The following PLB1 variants were observed in gnomAD, a reference collection of about 807,000 sequenced individuals.
PLB1 encodes the protein phospholipase B1.
Under a neutral mutation model 227.4 loss-of-function variants are expected in PLB1, and 242 were observed. That is an observed-to-expected ratio of 1.06 (90% CI 0.96 to 1.18). PLB1 has a LOEUF of 1.18. Ranked by LOEUF, PLB1 falls within the 50% of genes most tolerant of loss-of-function variation. The pLI is 0.00. For synonymous variants in PLB1, 757 were observed against 682.2 expected, an observed-to-expected ratio of 1.11 and a Z score of -1.71; for missense variants, 1,858 against 1,816.3, an observed-to-expected ratio of 1.02 and a Z score of -0.42.
At chr2:28,617,673 T>A in intron 44 of PLB1, 54 bp from the exon 45 acceptor site, 4 of 1,562,804 alleles carry the variant, frequency 2.6e-6, no homozygotes, top group Non-Finnish European at 3.5e-6. Context: ...GGCTGAAGCT[T>A]ATCTCCCTGC....
intron 39 of PLB1, among the ~76,000 whole-genome samples, chr2:28,603,222 A>G (rs950791310): frequency 1.3e-5 from 2 of 152,238 alleles, no homozygotes; most frequent in African/African-American, 2.4e-5. Flanking sequence ...GAACATGGGC[A>G]GTGGTTAGGG....
At chr2:28,580,697 A>C (rs1248610176) in intron 23 of PLB1, among the ~76,000 whole-genome samples, 1 of 148,850 alleles carries the variant, frequency 6.7e-6, no homozygotes, top group Non-Finnish European at 1.5e-5. Flanking sequence ...CTGGGTGACA[A>C]AGCGAGACTC....
chr2:28,632,512 G>A (rs530165349), intron 55 of PLB1, among the ~76,000 whole-genome samples: 3 of 152,258 alleles, frequency 2.0e-5, no homozygotes, highest in South Asian at 2.1e-4. Flanking sequence ...AATTCCGGCC[G>A]GGTGCAGTGG....
chr2:28,509,519 C>CTGA (rs1667988816), intron 1 of PLB1, among the ~76,000 whole-genome samples: 1 of 152,310 alleles, frequency 6.6e-6, no homozygotes, highest in Non-Finnish European at 1.5e-5. Context: ...TTGTCAAAGC[C>CTGA]TGATGTCTCC....
chr2:28,629,492 A>C (rs557670369), intron 53 of PLB1, among the ~76,000 whole-genome samples: 2 of 152,270 alleles, frequency 1.3e-5, no homozygotes, highest in Admixed American at 1.3e-4. Context: ...CCCTGTTGAG[A>C]AGCAGCATGG....
chr2:28,610,038 A>G (rs995524017), intron 43 of PLB1, among the ~76,000 whole-genome samples: 1 of 152,192 alleles, frequency 6.6e-6, no homozygotes, highest in Non-Finnish European at 1.5e-5. Context: ...GAATTCTTCT[A>G]CCACATCCCT....
intron 16 of PLB1, 82 bp downstream of exon 16, chr2:28,550,166 C>A (rs1673994094): frequency 1.9e-6 from 2 of 1,062,924 alleles, no homozygotes; most frequent in Non-Finnish European, 2.7e-6. Context: ...GAACCTTCCA[C>A]GTGGTTTTTT....
chr2:28,591,799 C>T, intron 31 of PLB1, 39 bp downstream of exon 31: 1 of 1,590,200 alleles, frequency 6.3e-7, no homozygotes, highest in Non-Finnish European at 8.6e-7. Flanking sequence ...AGGGCCCCTC[C>T]ACAGGGGCTG....
At chr2:28,519,579 A>G (rs1294572634) in intron 3 of PLB1, 126 bp from the exon 4 acceptor site, 2 of 690,782 alleles carry the variant, frequency 2.9e-6, no homozygotes, top group Admixed American at 2.4e-5. Flanking sequence ...TCCATGGCCA[A>G]CAGACTGGAC....
At chr2:28,541,002 C>G (rs1046691550) in intron 12 of PLB1, among the ~76,000 whole-genome samples, 1 of 152,064 alleles carries the variant, frequency 6.6e-6, no homozygotes, top group African/African-American at 2.4e-5. Context: ...GAAACCTCAT[C>G]TCTACTAAAA....
chr2:28,632,199 T>C, intron 55 of PLB1, 59 bp downstream of exon 55: 1 of 1,382,050 alleles, frequency 7.2e-7, no homozygotes, highest in Non-Finnish European at 1.0e-6. Context: ...AGACGATGGA[T>C]GTATTTCCTT....
In PLB1 at chr2:28,574,281, G is replaced by T. The variant is rs375529017; in HGVS notation, c.1433+976G>T. On this transcript the variant is annotated intron_variant, in intron 21 of 57. Coordinates refer to ENST00000327757, the MANE Select transcript of PLB1 (RefSeq NM_153021.5). ...TAGTGGTGATTTCTGAGATTTTGGT[G>T]TACCTGTCACCTGAGCAGTGTACAC... 6.0e-5 allele frequency among the ~76,000 whole-genome samples: 9 copies of T among 151,104 alleles called. No homozygotes were observed. The East Asian group carries it at 7.7e-4, about 13-fold the overall frequency.
chr2:28,508,386 G>A (rs1167371554), intron 1 of PLB1, among the ~76,000 whole-genome samples: 2 of 152,164 alleles, frequency 1.3e-5, no homozygotes, highest in African/African-American at 2.4e-5. Flanking sequence ...GTGGCAGCAC[G>A]TGACTGGCCA....
intron 1 of PLB1, among the ~76,000 whole-genome samples, chr2:28,496,756 C>T (rs1178286834): frequency 1.3e-5 from 2 of 152,166 alleles, no homozygotes; most frequent in Non-Finnish European, 2.9e-5. Context: ...GTAGATTGTG[C>T]CTCTGCCACA....
At chr2:28,503,613 C>A (rs920540120) in intron 1 of PLB1, among the ~76,000 whole-genome samples, 1 of 152,182 alleles carries the variant, frequency 6.6e-6, no homozygotes, top group African/African-American at 2.4e-5. Flanking sequence ...CACATAGTAT[C>A]ATCTGGGATT....
At chr2:28,628,688 G>A in intron 52 of PLB1, 60 bp downstream of exon 52, 1 of 1,529,816 alleles carries the variant, frequency 6.5e-7, no homozygotes, top group Non-Finnish European at 9.1e-7. Context: ...ATGCATGTAG[G>A]CAGGCTGTGT....
At chr2:28,630,097 C>T (rs886501767) in intron 53 of PLB1, among the ~76,000 whole-genome samples, 4 of 152,204 alleles carry the variant, frequency 2.6e-5, no homozygotes, top group Non-Finnish European at 4.4e-5. Context: ...AGCTTTCCCA[C>T]AGACTTCCCA....
At chr2:28,503,983 A>C (rs1667378622) in intron 1 of PLB1, among the ~76,000 whole-genome samples, 1 of 152,182 alleles carries the variant, frequency 6.6e-6, no homozygotes, top group African/African-American at 2.4e-5. Flanking sequence ...TCTATATTGT[A>C]TGTTTGTTTT....
chr2:28,564,301 T>G (rs2148240454), intron 18 of PLB1, among the ~76,000 whole-genome samples: 1 of 152,212 alleles, frequency 6.6e-6, no homozygotes. Flanking sequence ...TCACACAGCT[T>G]GTAAGTGCTC....
Sources: allele counts gnomAD v4.1 joint callset (sites outside exome capture counted in the v4.1 genomes callset), GRCh38; gene constraint gnomAD v4.1.1; transcripts MANE v1.5; gene names NCBI Gene and HGNC (gene_info 2026-07-23, HGNC 2026-07-21).